Variants in AFF1 observed in about 807,000 individuals in gnomAD.
AFF1 encodes the protein ALF transcription elongation factor 1.
AFF1 carries 48 observed loss-of-function variants against 121.7 expected under a neutral mutation model. That is an observed-to-expected ratio of 0.39 (90% CI 0.31 to 0.50). AFF1 has a LOEUF of 0.50. AFF1 is among the 20% of genes least tolerant of loss of function. The pLI, the probability that AFF1 is intolerant of heterozygous loss-of-function variation, is 0.76. For synonymous variants in AFF1, 613 were observed against 563.0 expected (o/e 1.09, Z -1.26); for missense variants, 1,523 against 1,511.7 (o/e 1.01, Z -0.12).
intron 11 of AFF1, among the ~76,000 whole-genome samples, chr4:87,109,160 G>A (rs1294515861): frequency 6.6e-6 from 1 of 152,158 alleles, no homozygotes; most frequent in East Asian, 1.9e-4. Flanking sequence ...ATTATTCCAT[G>A]TATTTAATAA....
At chr4:87,094,820 T>C (rs1724665179) in intron 7 of AFF1, 95 bp from the exon 8 acceptor site, 1 of 1,107,128 alleles carries the variant, frequency 9.0e-7, no homozygotes, top group Non-Finnish European at 1.4e-6. Context: ...GCAGTGTGTT[T>C]AGGTAAAAAC....
Position 87,047,185 on chromosome 4 carries a change from C to T in AFF1, c.650C>T (p.Pro217Leu). The change falls in exon 4 of 21, where the codon CCT (proline) becomes CTT (leucine). Residue 217 changes from proline to leucine, a missense_variant. By Grantham distance (98) the Pro-to-Leu change is moderately conservative (BLOSUM62 -3). This residue lies in a region of AFF1 where 369 missense variants were observed against 367.2 expected (regional missense o/e 1.00). Transcript: ENST00000395146. Reference protein sequence around the residue: ...PLISLPSPVPPLSPIHSNQQT... With the variant: ...PLISLPSPVPLLSPIHSNQQT... ...ATCTCTTTGCCTTCCCCAGTTCCCC[C>T]TTTGTCACCTATACATTCCAACCAG... The T allele has an allele frequency of 6.2e-7, 1 of 1,614,200 alleles. No individual in the cohort carries two copies. Among genetic ancestry groups the T allele is most frequent in the Non-Finnish European group, 8.5e-7 (1 of 1,180,034 alleles).
intron 1 of AFF1, among the ~76,000 whole-genome samples, chr4:86,943,652 C>T (rs1720627937): frequency 6.6e-6 from 1 of 151,660 alleles, no homozygotes; most frequent in Non-Finnish European, 1.5e-5. Flanking sequence ...TGGCAAACTC[C>T]TGTCTCTACA....
intron 2 of AFF1, among the ~76,000 whole-genome samples, chr4:86,949,280 T>C (rs1721094726): frequency 6.7e-6 from 1 of 149,846 alleles, no homozygotes; most frequent in African/African-American, 2.4e-5. Flanking sequence ...GTTCAAGCAA[T>C]TCTGCCTCAG....
Position 86,978,527 on chromosome 4 carries a change from T to C in AFF1, c.38+29956T>C, listed in dbSNP as rs188161708. Among the ~76,000 whole-genome samples the C allele has an allele frequency of 2.0e-5, 3 of 152,182 alleles. No homozygotes were observed. The East Asian group carries it at 5.8e-4, about 29-fold the overall frequency. ...GATAGAATCTGTCTAGTAAATTTCA[T>C]AGTGTAGTTTCTTTTTAAATTTTTA... On this transcript the variant is annotated intron_variant, in intron 2 of 20. Transcript: ENST00000395146.
chr4:87,002,741 T>G lies in AFF1; in HGVS notation c.39-43425T>G, dbSNP rs1003121692. ...AAAGATTAACGGGCGATTTTACTCCTTATTTGTAGGGTAAATTGGGTCTGT... is the reference window on the plus strand; with the variant it reads ...AAAGATTAACGGGCGATTTTACTCCGTATTTGTAGGGTAAATTGGGTCTGT... On this transcript the variant is annotated intron_variant, in intron 2 of 20. Coordinates refer to ENST00000395146, the MANE Select transcript of AFF1 (RefSeq NM_001166693.3). 5.9e-5 allele frequency among the ~76,000 whole-genome samples: 9 copies of G among 152,132 alleles called. No homozygotes were observed. In the East Asian group the frequency reaches 1.7e-3, roughly 29 times the overall value.
In AFF1 at chr4:87,126,081, C is replaced by T. The variant is rs200376457; in HGVS notation, c.2574-18C>T. ...TGTACTTTGCCTCCTCTTAGTTTTA[C>T]GTGATGTTTCACTCCAGGCCCTCCA... On this transcript the variant is annotated intron_variant, in intron 13 of 20. Transcript: ENST00000395146. 233 of 1,610,588 alleles carry T rather than the reference C, an allele frequency of 1.4e-4. No individual in the cohort carries two copies. The highest frequency in any genetic ancestry group is 7.9e-4 in the African/African-American group (59 of 74,808).
At position 87,136,117 on chromosome 4, in the gene AFF1, ATT is replaced by A; in HGVS notation, c.*426_*427del. 1 of 216,366 alleles carries A rather than the reference ATT, an allele frequency of 4.6e-6. No individual in the cohort carries two copies. The highest frequency in any genetic ancestry group is 9.2e-6 in the Non-Finnish European group (1 of 108,662). The allele number at this position is 216,366 out of a possible 1,614,324, so 13.4% of individuals were successfully genotyped here. ...CACGCTAGTCCATTCCCAGAAGGAA[ATT>A]TTTTTTTTTAACAATGACTTTTGGT... is the stretch of plus-strand genomic sequence containing the variant. On this transcript the variant is annotated 3_prime_UTR_variant, in exon 21 of 21. Transcript: ENST00000395146.
At chr4:87,067,433 T>C (rs1382910382) in intron 4 of AFF1, among the ~76,000 whole-genome samples, 6 of 152,216 alleles carry the variant, frequency 3.9e-5, no homozygotes, top group Admixed American at 3.9e-4. Context: ...TGCAATAAAG[T>C]GTAACTTCAC....
chr4:87,070,260 C>T (rs529110598), intron 4 of AFF1, among the ~76,000 whole-genome samples: 1 of 152,350 alleles, frequency 6.6e-6, no homozygotes, highest in Admixed American at 6.5e-5. Flanking sequence ...TCTCGGCCTC[C>T]CGAAGTGCTG....
At chr4:87,065,292 G>T (rs1191356003) in intron 4 of AFF1, among the ~76,000 whole-genome samples, 1 of 152,088 alleles carries the variant, frequency 6.6e-6, no homozygotes, top group African/African-American at 2.4e-5. Flanking sequence ...AAAACCATCA[G>T]ATCTCATGAG....
chr4:87,079,851 T>C (rs1723002183), intron 4 of AFF1, among the ~76,000 whole-genome samples: 1 of 152,210 alleles, frequency 6.6e-6, no homozygotes, highest in African/African-American at 2.4e-5. Context: ...CAGAATTCCC[T>C]CAGGCATTTT....
At chr4:87,020,852 A>C in intron 2 of AFF1, 4 of 983,706 alleles carry the variant, frequency 4.1e-6, no homozygotes, top group Non-Finnish European at 4.8e-6. Flanking sequence ...CTGTTTGGCA[A>C]TATTAGTTTT....
intron 2 of AFF1, among the ~76,000 whole-genome samples, chr4:86,976,344 G>A (rs943946265): frequency 6.6e-6 from 1 of 152,110 alleles, no homozygotes; most frequent in Non-Finnish European, 1.5e-5. Context: ...AAGGCGCTCC[G>A]CATTATGGAA....
rs1024536616 is a variant in AFF1 at position 87,114,706 on chromosome 4, C to T, written c.1873C>T (p.Arg625Trp). 13 of 1,613,808 alleles carry T rather than the reference C, an allele frequency of 8.1e-6. No homozygotes were observed. Among genetic ancestry groups the T allele is most frequent in the Admixed American group, 3.3e-5 (2 of 59,996 alleles). Residue 625 changes from arginine to tryptophan, a missense_variant, in exon 12 of 21, where the codon CGG becomes TGG. Arg to Trp is a moderately radical substitution (Grantham distance 101). Transcript: ENST00000395146. ...CAAGGCCTCTGCCCGGGCAGGTTCA[C>T]GGACCAGCCTGCAGGGGGAAAGGGA... ...PVKASARAGS[R>W]TSLQGEREPG...
At position 87,047,108 on chromosome 4, in the gene AFF1, C is replaced by A. The variant is rs1331763308; in HGVS notation, c.573C>A (p.Asp191Glu). The part of the protein sequence containing the change: ...HKKGDRRADG[D>E]HCASVTDSAP... Reference sequence around the variant, plus strand: ...AAGGTGACCGAAGAGCTGACGGAGACCACTGTGCTTCGGTGACAGATTCGG... The same window carrying A: ...AAGGTGACCGAAGAGCTGACGGAGAACACTGTGCTTCGGTGACAGATTCGG... The change falls in exon 4 of 21, where the codon GAC (aspartate) becomes GAA (glutamate). Residue 191 changes from aspartate (D) to glutamate (E), a missense_variant. Physicochemically the swap from Asp to Glu is conservative, Grantham distance 45. This residue lies in a region of AFF1 where 369 missense variants were observed against 367.2 expected (regional missense o/e 1.00). Coordinates refer to ENST00000395146, the MANE Select transcript of AFF1 (RefSeq NM_001166693.3). The A allele has an allele frequency of 1.2e-6, 2 of 1,614,194 alleles. No individual in the cohort carries two copies. Among genetic ancestry groups the A allele is most frequent in the Non-Finnish European group, 8.5e-7 (1 of 1,180,036 alleles).
intron 4 of AFF1, 103 bp downstream of exon 4, chr4:87,047,697 T>C: frequency 6.8e-7 from 1 of 1,471,190 alleles, no homozygotes; most frequent in Non-Finnish European, 9.5e-7. Flanking sequence ...GTCCATGGCT[T>C]TTGGGTAGGG....
chr4:86,958,090 CCTTTTTTTTTT>C (rs1721878632), intron 2 of AFF1, among the ~76,000 whole-genome samples: 1 of 32,538 alleles, frequency 3.1e-5, no homozygotes, highest in South Asian at 8.9e-4. Flanking sequence ...CTTTTTTTTT[CCTTTTTTTTTT>C]TTTTTTTTTG....
intron 1 of AFF1, among the ~76,000 whole-genome samples, chr4:86,946,371 T>A (rs1461749126): frequency 2.0e-5 from 3 of 152,158 alleles, no homozygotes; most frequent in African/African-American, 7.2e-5. Context: ...TTTTTTATGT[T>A]TTTTGAGGCA....
Sources: gnomAD v4.1 joint callset for allele counts (sites outside exome capture counted in the v4.1 genomes callset) on GRCh38, gnomAD v4.1.1 for gene constraint, gnomAD v4.1.1 regional missense constraint, MANE v1.5 for transcripts, NCBI Gene and HGNC (gene_info 2026-07-23, HGNC 2026-07-21) for gene names.